The following SEMA5B variants were observed in gnomAD, a reference collection of about 807,000 sequenced individuals.
SEMA5B encodes the protein semaphorin 5B, also known as semaphorin-5B.
A neutral mutation model predicts 135.0 loss-of-function variants in SEMA5B; 66 were observed. That is an observed-to-expected ratio of 0.49 (90% confidence interval 0.40 to 0.60). SEMA5B has a LOEUF of 0.60. Among genes scored for constraint, SEMA5B ranks in the 20% least tolerant of loss-of-function variants. The pLI is 0.00. For missense variants in SEMA5B, 1,501 were observed against 1,566.3 expected (o/e 0.96, Z 0.70); for synonymous variants, 690 against 639.5 (o/e 1.08, Z -1.19).
intron 5 of SEMA5B, among the ~76,000 whole-genome samples, chr3:122,935,367 A>AT (rs138508809): frequency 0.071 from 10,882 of 152,260 alleles, 424 homozygotes; most frequent in Middle Eastern, 0.11. Context: ...ATCACACCCC[A>AT]TCAGTGCCCT....
chr3:122,999,357 G>C (rs926790193), intron 1 of SEMA5B, among the ~76,000 whole-genome samples: 3 of 152,066 alleles, frequency 2.0e-5, no homozygotes, highest in Non-Finnish European at 4.4e-5. Context: ...CTCCCAAGTA[G>C]CTGGGATTAC....
chr3:122,939,638 A>G (rs896966529), intron 4 of SEMA5B, among the ~76,000 whole-genome samples, 168 bp from the exon 5 acceptor site: 1 of 152,286 alleles, frequency 6.6e-6, no homozygotes. Flanking sequence ...TCTTCACACA[A>G]CCCTGGGAGG....
intron 1 of SEMA5B, among the ~76,000 whole-genome samples, chr3:122,992,061 G>A (rs539323452): frequency 1.1e-4 from 16 of 152,306 alleles, no homozygotes; most frequent in African/African-American, 3.9e-4. Context: ...AAGGGGAATG[G>A]TTTTGATGGG....
At chr3:122,944,057 A>T (rs1257941136) in intron 3 of SEMA5B, among the ~76,000 whole-genome samples, 1 of 152,180 alleles carries the variant, frequency 6.6e-6, no homozygotes, top group Non-Finnish European at 1.5e-5. Flanking sequence ...GTCACTCTCC[A>T]GCCCAGAACC....
chr3:122,979,519 G>T (rs1006501159), intron 1 of SEMA5B, among the ~76,000 whole-genome samples: 1 of 152,130 alleles, frequency 6.6e-6, no homozygotes, highest in African/African-American at 2.4e-5. Flanking sequence ...GCCTTCAGGG[G>T]CTCCCCTTCT....
chr3:122,943,679 C>A, intron 3 of SEMA5B, 144 bp from the exon 4 acceptor site: 1 of 616,578 alleles, frequency 1.6e-6, no homozygotes, highest in Non-Finnish European at 2.9e-6. Flanking sequence ...CTGCCCACCT[C>A]TGTGTGCCCC....
chr3:122,950,201 C>T (rs1348016289), intron 2 of SEMA5B, among the ~76,000 whole-genome samples: 2 of 152,174 alleles, frequency 1.3e-5, no homozygotes, highest in African/African-American at 4.8e-5. Context: ...ACAAGAGCAA[C>T]ACAAGTTAAA....
intron 1 of SEMA5B, among the ~76,000 whole-genome samples, chr3:123,020,978 C>G (rs912877709): frequency 6.6e-6 from 1 of 152,202 alleles, no homozygotes; most frequent in Non-Finnish European, 1.5e-5. Context: ...CCCCAAGGCA[C>G]CTGGTCTATG....
At chr3:122,927,048 T>C (rs2107653007) in intron 8 of SEMA5B, among the ~76,000 whole-genome samples, 1 of 152,366 alleles carries the variant, frequency 6.6e-6, no homozygotes, top group South Asian at 2.1e-4. Context: ...TTTAGGTTGG[T>C]TCAAAAGTAA....
intron 2 of SEMA5B, among the ~76,000 whole-genome samples, chr3:122,950,557 A>G (rs1940003028): frequency 6.6e-6 from 1 of 152,266 alleles, no homozygotes; most frequent in Non-Finnish European, 1.5e-5. Flanking sequence ...ATAATTTGAC[A>G]GAGTAATTTT....
At chr3:123,001,019 A>T (rs1177399006) in intron 1 of SEMA5B, among the ~76,000 whole-genome samples, 1 of 152,172 alleles carries the variant, frequency 6.6e-6, no homozygotes, top group African/African-American at 2.4e-5. Flanking sequence ...GCTGATCCCC[A>T]GGAGGCAGCC....
At chr3:122,958,583 A>C (rs1487495634) in intron 2 of SEMA5B, among the ~76,000 whole-genome samples, 1 of 152,156 alleles carries the variant, frequency 6.6e-6, no homozygotes, top group Non-Finnish European at 1.5e-5. Context: ...GCACAAAGAT[A>C]AGATTGAGAT....
At chr3:123,026,700 C>G (rs962453780) in intron 1 of SEMA5B, among the ~76,000 whole-genome samples, 6 of 152,208 alleles carry the variant, frequency 3.9e-5, no homozygotes, top group Non-Finnish European at 8.8e-5. Flanking sequence ...CTGGATCTCC[C>G]GCAGGACGTG....
At chr3:122,998,138 G>A (rs1560428038) in intron 1 of SEMA5B, among the ~76,000 whole-genome samples, 1 of 152,092 alleles carries the variant, frequency 6.6e-6, no homozygotes, top group Non-Finnish European at 1.5e-5. Context: ...CACAGACCAG[G>A]CATCCCCACC....
At chr3:123,013,547 T>A (rs1560445695) in intron 1 of SEMA5B, among the ~76,000 whole-genome samples, 1 of 152,236 alleles carries the variant, frequency 6.6e-6, no homozygotes, top group Non-Finnish European at 1.5e-5. Flanking sequence ...AGAAATAATT[T>A]GCCCAAAGGC....
At chr3:122,962,130 G>A (rs1284101768) in intron 1 of SEMA5B, among the ~76,000 whole-genome samples, 2 of 152,120 alleles carry the variant, frequency 1.3e-5, no homozygotes, top group Non-Finnish European at 2.9e-5. Context: ...ATTCCCTTTT[G>A]CATCGTAAGG....
At chr3:122,933,892 G>A (rs898762662) in intron 5 of SEMA5B, among the ~76,000 whole-genome samples, 1 of 151,484 alleles carries the variant, frequency 6.6e-6, no homozygotes, top group Non-Finnish European at 1.5e-5. Flanking sequence ...GATACTAATT[G>A]GTTGTTTATC....
intron 1 of SEMA5B, among the ~76,000 whole-genome samples, chr3:123,022,112 T>C (rs1468240612): frequency 6.6e-6 from 1 of 152,194 alleles, no homozygotes; most frequent in Non-Finnish European, 1.5e-5. Flanking sequence ...GCTTTAAGAT[T>C]CTTCTGAACA....
intron 1 of SEMA5B, among the ~76,000 whole-genome samples, chr3:122,983,547 C>G (rs115605626): frequency 0.012 from 1,848 of 151,572 alleles, 40 homozygotes; most frequent in African/African-American, 0.042. Context: ...GAATGGCTGA[C>G]AGAGTCCTAT....
Sources: allele counts gnomAD v4.1 joint callset (sites outside exome capture counted in the v4.1 genomes callset), GRCh38; gene constraint gnomAD v4.1.1; transcripts MANE v1.5; gene names NCBI Gene and HGNC (gene_info 2026-07-23, HGNC 2026-07-21).